Variants in TMOD1 observed in about 807,000 individuals in gnomAD.
TMOD1 encodes tropomodulin-1.
TMOD1 carries 17 observed loss-of-function variants against 40.6 expected under a neutral mutation model. That is an observed-to-expected ratio of 0.42 (90% CI 0.29 to 0.63). The LOEUF (loss-of-function observed/expected upper bound fraction) is 0.63, where lower values mean the gene tolerates loss of function less well. Among genes scored for constraint, TMOD1 ranks in the 20% least tolerant of loss-of-function variants. The pLI, the probability that TMOD1 is intolerant of heterozygous loss-of-function variation, is 0.22. For synonymous variants in TMOD1, 181 were observed against 175.0 expected, an observed-to-expected ratio of 1.03 and a Z score of -0.27; for missense variants, 391 against 447.6, an observed-to-expected ratio of 0.87 and a Z score of 1.14.
At chr9:97,591,477 A>T (rs575741117) in intron 9 of TMOD1, 42 bp downstream of exon 9, 3 of 1,602,096 alleles carry the variant, frequency 1.9e-6, no homozygotes, top group African/African-American at 2.7e-5. Flanking sequence ...CAGTCCTGTT[A>T]TTCCCTCCAC....
intron 9 of TMOD1, among the ~76,000 whole-genome samples, chr9:97,594,727 C>G (rs560140426): frequency 1.3e-5 from 2 of 152,226 alleles, no homozygotes; most frequent in Non-Finnish European, 1.5e-5. Flanking sequence ...AAGCTCTAAA[C>G]AGAGCGTTCT....
intron 1 of TMOD1, among the ~76,000 whole-genome samples, chr9:97,504,543 G>A (rs1829560136): frequency 6.6e-6 from 1 of 152,160 alleles, no homozygotes; most frequent in East Asian, 1.9e-4. Flanking sequence ...GAGGATTGGG[G>A]ACCTTCCTTA....
rs1318071326 is a variant in TMOD1, at chr9:97,600,827, G to T, written c.*1129G>T. ...CTGCCAGATCTCTTTTTAACATCAT[G>T]TGCGTCTCTTGGGATCCAGCAAAAG... On this transcript the variant is annotated 3_prime_UTR_variant, in exon 10 of 10. Transcript: ENST00000259365. 6 of 1,077,148 alleles carry T rather than the reference G, an allele frequency of 5.6e-6. No homozygotes were observed. The highest frequency in any genetic ancestry group is 5.7e-6 in the Non-Finnish European group (5 of 881,796). 66.7% of individuals were successfully genotyped at this position (1,077,148 alleles called of 1,614,324 possible).
intron 8 of TMOD1, among the ~76,000 whole-genome samples, chr9:97,589,325 G>A (rs573221414): frequency 1.4e-5 from 2 of 143,274 alleles, no homozygotes; most frequent in South Asian, 4.5e-4. Context: ...TCTGTTGCCA[G>A]GCTGGAGTGC....
At chr9:97,526,292 G>A (rs750660057) in intron 2 of TMOD1, among the ~76,000 whole-genome samples, 6 of 152,238 alleles carry the variant, frequency 3.9e-5, no homozygotes, top group Admixed American at 2.0e-4. Context: ...ATTTAGAAGT[G>A]TGTTTAATAC....
At chr9:97,559,740 G>A (rs1830588148) in intron 4 of TMOD1, among the ~76,000 whole-genome samples, 1 of 136,916 alleles carries the variant, frequency 7.3e-6, no homozygotes, top group African/African-American at 2.8e-5. Context: ...ACTCCAGCCT[G>A]TGCCACAGAG....
At chr9:97,519,154 C>T (rs939321887) in intron 1 of TMOD1, among the ~76,000 whole-genome samples, 7 of 152,116 alleles carry the variant, frequency 4.6e-5, no homozygotes, top group African/African-American at 1.7e-4. Flanking sequence ...GTGACTGGAC[C>T]GGCTGCCCGT....
rs564525464 is a variant in TMOD1, at chr9:97,558,408, G to A, written c.398-4324G>A. On this transcript the variant is annotated intron_variant, in intron 4 of 9. Coordinates refer to ENST00000259365, the MANE Select transcript of TMOD1 (RefSeq NM_003275.4). ...TTGCTGGAAAAGTTGGGGGTGGGGG[G>A]TCTACCACAGCTACCCTGGATGCTG... Among the ~76,000 whole-genome samples, 3 of 151,802 alleles carry A rather than the reference G, an allele frequency of 2.0e-5. No individual in the cohort carries two copies. The East Asian group carries it at 5.8e-4, about 29-fold the overall frequency.
At chr9:97,569,637 G>A (rs922490961) in intron 8 of TMOD1, among the ~76,000 whole-genome samples, 5 of 152,202 alleles carry the variant, frequency 3.3e-5, no homozygotes, top group Non-Finnish European at 7.3e-5. Flanking sequence ...CTAAGAGGAT[G>A]CTAATAACAA....
chr9:97,511,365 C>T (rs1460233334), intron 1 of TMOD1, among the ~76,000 whole-genome samples: 1 of 152,172 alleles, frequency 6.6e-6, no homozygotes, highest in Non-Finnish European at 1.5e-5. Context: ...CATCCTCCTC[C>T]ATTCAGGGGC....
intron 8 of TMOD1, among the ~76,000 whole-genome samples, chr9:97,585,875 T>G (rs1825860840): frequency 7.3e-6 from 1 of 137,196 alleles, no homozygotes; most frequent in South Asian, 2.3e-4. Flanking sequence ...TAAGCACTTC[T>G]CTGTATTGGT....
In TMOD1 at chr9:97,539,026, A is replaced by AAAAC. The variant is rs371839859; in HGVS notation, c.121-7143_121-7140dup. On this transcript the variant is annotated intron_variant, in intron 2 of 9. Transcript: ENST00000259365. ...TCTCAAAAACAAAACAAAACAAAAC[A>AAAAC]AAACAAACAAACAAACAAAACAGAT... Among the ~76,000 whole-genome samples, 775 of 150,494 alleles carry AAAAC rather than the reference A, an allele frequency of 5.1e-3. 1 individual carries two copies. The highest frequency in any genetic ancestry group is 6.6e-3 in the Non-Finnish European group (446 of 67,620).
At chr9:97,559,680 G>T (rs1358385749) in intron 4 of TMOD1, among the ~76,000 whole-genome samples, 12 of 149,458 alleles carry the variant, frequency 8.0e-5, no homozygotes, top group African/African-American at 3.0e-4. Flanking sequence ...CAGGAGAATC[G>T]CTTGAGTCCG....
chr9:97,505,394 G>T (rs192783381), intron 1 of TMOD1, among the ~76,000 whole-genome samples: 1 of 152,174 alleles, frequency 6.6e-6, no homozygotes, highest in Non-Finnish European at 1.5e-5. Context: ...TCACTCTGGG[G>T]CTTCAAGGGT....
At chr9:97,535,527 C>T (rs1447379314) in intron 2 of TMOD1, among the ~76,000 whole-genome samples, 1 of 152,222 alleles carries the variant, frequency 6.6e-6, no homozygotes, top group Non-Finnish European at 1.5e-5. Context: ...AAGGTGACCA[C>T]ACCACTGAGA....
At chr9:97,538,817 A>G (rs1001605986) in intron 2 of TMOD1, among the ~76,000 whole-genome samples, 3 of 151,792 alleles carry the variant, frequency 2.0e-5, no homozygotes, top group African/African-American at 7.3e-5. Flanking sequence ...CAACACAGTG[A>G]AACCCCATCT....
intron 8 of TMOD1, among the ~76,000 whole-genome samples, chr9:97,585,373 C>T (rs1208331911): frequency 7.9e-5 from 12 of 151,608 alleles, no homozygotes; most frequent in African/African-American, 2.4e-4. Context: ...CCGAGAGATC[C>T]GCTGTTAGTC....
At chr9:97,506,017 T>C (rs1829585278) in intron 1 of TMOD1, among the ~76,000 whole-genome samples, 1 of 152,158 alleles carries the variant, frequency 6.6e-6, no homozygotes, top group Non-Finnish European at 1.5e-5. Flanking sequence ...AAGCTACTTC[T>C]CCAAAATCAT....
intron 1 of TMOD1, among the ~76,000 whole-genome samples, chr9:97,505,225 G>T (rs1008162943): frequency 6.6e-6 from 1 of 152,104 alleles, no homozygotes; most frequent in African/African-American, 2.4e-5. Flanking sequence ...TGTCCTTTTG[G>T]TTTTCTTTCA....
Sources: gnomAD v4.1 joint callset for allele counts (sites outside exome capture counted in the v4.1 genomes callset) on GRCh38, gnomAD v4.1.1 for gene constraint, MANE v1.5 for transcripts, NCBI Gene and HGNC (gene_info 2026-07-23, HGNC 2026-07-21) for gene names.